Variants in GRID1 observed in about 807,000 individuals in gnomAD.
GRID1 encodes the protein glutamate ionotropic receptor delta type subunit 1.
GRID1 carries 28 observed loss-of-function variants against 98.0 expected under a neutral mutation model. The ratio of observed to expected loss-of-function variants is 0.29; its 90% CI spans 0.21 to 0.39. The LOEUF is 0.39. GRID1 is among the 10% of genes least tolerant of loss of function. The probability of loss-of-function intolerance (pLI) is 1.00; values close to 1 mark genes in which losing one functional copy is unlikely to be tolerated. For synonymous variants in GRID1, 553 were observed against 538.5 expected, an observed-to-expected ratio of 1.03 and a Z score of -0.37; for missense variants, 1,111 against 1,340.5, an observed-to-expected ratio of 0.83 and a Z score of 2.67.
intron 2 of GRID1, among the ~76,000 whole-genome samples, chr10:86,301,718 C>T (rs1345479233): frequency 6.6e-6 from 1 of 152,268 alleles, no homozygotes; most frequent in African/African-American, 2.4e-5. Context: ...TTTGCCTGAA[C>T]CATTGTCACC....
chr10:85,821,539 A>AAACAAAC (rs1842772108), intron 8 of GRID1, among the ~76,000 whole-genome samples: 1 of 97,594 alleles, frequency 1.0e-5, no homozygotes, highest in African/African-American at 3.9e-5. Flanking sequence ...AAAAAAAAAA[A>AAACAAAC]AAAAAAGAAA....
chr10:86,284,875 G>A (rs1847407429), intron 2 of GRID1, among the ~76,000 whole-genome samples: 1 of 152,196 alleles, frequency 6.6e-6, no homozygotes, highest in African/African-American at 2.4e-5. Context: ...TTGGGCTGTG[G>A]CCACTCAGGT....
At chr10:85,827,387 GA>G (rs57832452) in intron 8 of GRID1, among the ~76,000 whole-genome samples, 2,031 of 147,660 alleles carry the variant, frequency 0.014, 24 homozygotes, top group South Asian at 0.064. Context: ...CTCAGAGCTC[GA>G]AAAAAAAACA....
intron 8 of GRID1, among the ~76,000 whole-genome samples, chr10:85,820,586 A>G (rs896569668): frequency 2.0e-5 from 3 of 152,214 alleles, no homozygotes; most frequent in Non-Finnish European, 4.4e-5. Context: ...CGATATATTT[A>G]TAATTATTGT....
At chr10:85,840,920 A>C (rs1334682052) in intron 8 of GRID1, among the ~76,000 whole-genome samples, 1 of 152,230 alleles carries the variant, frequency 6.6e-6, no homozygotes, top group African/African-American at 2.4e-5. Context: ...TGGCCAAAGC[A>C]ATTTATAGAT....
chr10:86,295,068 C>A (rs1446402407), intron 2 of GRID1, among the ~76,000 whole-genome samples: 1 of 152,162 alleles, frequency 6.6e-6, no homozygotes, highest in Non-Finnish European at 1.5e-5. Context: ...AGGGCAAATG[C>A]CTGACCACAG....
At chr10:86,282,642 G>A (rs950804169) in intron 2 of GRID1, among the ~76,000 whole-genome samples, 6 of 152,126 alleles carry the variant, frequency 3.9e-5, no homozygotes, top group African/African-American at 9.7e-5. Flanking sequence ...GGGTGGGCAC[G>A]GAGGGCTCTT....
chr10:85,707,093 A>G (rs1841529080), intron 12 of GRID1, among the ~76,000 whole-genome samples: 1 of 152,234 alleles, frequency 6.6e-6, no homozygotes, highest in South Asian at 2.1e-4. Context: ...AATGACAACA[A>G]AAGCCAAAAT....
At chr10:86,187,506 A>G (rs1473580286) in intron 3 of GRID1, among the ~76,000 whole-genome samples, 2 of 152,188 alleles carry the variant, frequency 1.3e-5, no homozygotes, top group Non-Finnish European at 2.9e-5. Context: ...CCAGGGTTTT[A>G]TGAGAATTAA....
chr10:85,680,412 A>G (rs955808943), intron 12 of GRID1, among the ~76,000 whole-genome samples: 3 of 152,158 alleles, frequency 2.0e-5, no homozygotes, highest in Admixed American at 6.5e-5. Flanking sequence ...ATCATGGCCA[A>G]CTCCTGATGG....
intron 2 of GRID1, among the ~76,000 whole-genome samples, chr10:86,310,637 G>T (rs1847820089): frequency 6.6e-6 from 1 of 152,196 alleles, no homozygotes; most frequent in South Asian, 2.1e-4. Flanking sequence ...CGCCACGCAT[G>T]GTTTCTGCAA....
intron 3 of GRID1, among the ~76,000 whole-genome samples, chr10:86,186,489 A>G (rs1040579800): frequency 1.3e-5 from 2 of 151,924 alleles, no homozygotes; most frequent in African/African-American, 4.8e-5. Context: ...CTAGCTTCCT[A>G]GGTGGAAGCT....
intron 4 of GRID1, among the ~76,000 whole-genome samples, chr10:85,983,119 G>C (rs1226914453): frequency 2.6e-5 from 4 of 152,216 alleles, no homozygotes; most frequent in African/African-American, 9.7e-5. Flanking sequence ...CTGGACACAG[G>C]TCTCTGCCGG....
intron 2 of GRID1, among the ~76,000 whole-genome samples, chr10:86,239,215 G>C (rs536720265): frequency 9.3e-4 from 142 of 152,344 alleles, no homozygotes; most frequent in Middle Eastern, 3.4e-3. Flanking sequence ...TTAAGATTTA[G>C]TGACTGGGTT....
At chr10:86,191,940 G>A (rs928069511) in intron 3 of GRID1, among the ~76,000 whole-genome samples, 1 of 152,186 alleles carries the variant, frequency 6.6e-6, no homozygotes, top group Non-Finnish European at 1.5e-5. Flanking sequence ...GAGGTCTTGA[G>A]GGAGTGATGA....
chr10:85,725,461 A>G (rs1041437742), intron 10 of GRID1, among the ~76,000 whole-genome samples: 1 of 152,200 alleles, frequency 6.6e-6, no homozygotes, highest in Admixed American at 6.5e-5. Context: ...TTAAAAACAG[A>G]CAGAAACCCC....
At chr10:86,210,567 T>G (rs1846093808) in intron 2 of GRID1, among the ~76,000 whole-genome samples, 1 of 152,176 alleles carries the variant, frequency 6.6e-6, no homozygotes, top group South Asian at 2.1e-4. Flanking sequence ...GGATCTTAAG[T>G]ACTAGTAGTC....
chr10:85,615,538 T>A (rs1842778362), intron 14 of GRID1, among the ~76,000 whole-genome samples: 1 of 152,240 alleles, frequency 6.6e-6, no homozygotes, highest in Non-Finnish European at 1.5e-5. Flanking sequence ...TAATGTCCTT[T>A]AAGTGCTTAG....
At chr10:85,926,640 C>T (rs924432759) in intron 4 of GRID1, among the ~76,000 whole-genome samples, 2 of 152,098 alleles carry the variant, frequency 1.3e-5, no homozygotes, top group African/African-American at 2.4e-5. Context: ...ACCTGCCCAA[C>T]GCCCACCCCA....
Sources: gnomAD v4.1 joint callset for allele counts (sites outside exome capture counted in the v4.1 genomes callset) on GRCh38, gnomAD v4.1.1 for gene constraint, MANE v1.5 for transcripts, NCBI Gene and HGNC (gene_info 2026-07-23, HGNC 2026-07-21) for gene names.